The following PNPLA8 variants were observed in gnomAD, a reference collection of about 807,000 sequenced individuals.
The protein encoded by PNPLA8 is patatin like domain 8, phospholipase A2, also known as calcium-independent phospholipase A2-gamma.
Under a neutral mutation model 76.9 loss-of-function variants are expected in PNPLA8, and 39 were observed. The observed-to-expected ratio is 0.51, with a 90% confidence interval of 0.39 to 0.66. PNPLA8 has a LOEUF of 0.66. PNPLA8 is among the 30% of genes least tolerant of loss of function. PNPLA8 has a pLI of 0.00. For synonymous variants in PNPLA8, 301 were observed against 307.9 expected, an observed-to-expected ratio of 0.98 and a Z score of 0.24; for missense variants, 887 against 918.0, an observed-to-expected ratio of 0.97 and a Z score of 0.44.
At chr7:108,518,961 T>C (rs1375995102) in intron 2 of PNPLA8, among the ~76,000 whole-genome samples, 2 of 151,420 alleles carry the variant, frequency 1.3e-5, no homozygotes, top group African/African-American at 2.4e-5. Context: ...CTGAATTATT[T>C]ATAATGAGGT....
chr7:108,503,567 GATCAACGCTCAC>G (rs1252449039), intron 4 of PNPLA8, among the ~76,000 whole-genome samples: 1 of 152,108 alleles, frequency 6.6e-6, no homozygotes, highest in African/African-American at 2.4e-5. Flanking sequence ...CTCTGTTACA[GATCAACGCTCAC>G]ATCAACAACA....
At chr7:108,519,752 C>T in intron 2 of PNPLA8, among the ~76,000 whole-genome samples, 1 of 151,998 alleles carries the variant, frequency 6.6e-6, no homozygotes, top group East Asian at 1.9e-4. Flanking sequence ...GAGACTTTTT[C>T]CCTATCTACA....
intron 10 of PNPLA8, among the ~76,000 whole-genome samples, chr7:108,474,743 T>C (rs1398354136): frequency 3.3e-5 from 5 of 152,230 alleles, no homozygotes; most frequent in Admixed American, 2.6e-4. Context: ...TGAGTTTACA[T>C]GTATAAATCA....
At chr7:108,505,668 C>G (rs1336899078) in intron 4 of PNPLA8, among the ~76,000 whole-genome samples, 3 of 151,764 alleles carry the variant, frequency 2.0e-5, no homozygotes, top group African/African-American at 7.3e-5. Flanking sequence ...GCCAAAAATA[C>G]TTTTATGACT....
At position 108,472,028 on chromosome 7, in the gene PNPLA8, C is replaced by T. The variant is rs1438579561; in HGVS notation, c.*373G>A. ...AATAAAATCAATGATCACATAAATT[C>T]AACATGATTATGAGGACTAAAGTAA... On this transcript the variant is annotated 3_prime_UTR_variant, in exon 11 of 11. Coordinates refer to ENST00000257694, the MANE Select transcript of PNPLA8 (RefSeq NM_001256007.3). 6.5e-6 allele frequency: 1 copy of T among 154,426 alleles called. No individual in the cohort carries two copies. The highest frequency in any genetic ancestry group is 2.4e-5 in the African/African-American group (1 of 41,530). 9.6% of individuals were successfully genotyped at this position (154,426 alleles called of 1,614,324 possible). A position where few individuals can be genotyped will look rare whatever the true frequency, so the allele number is the denominator to read the frequency against.
At chr7:108,522,556 A>G in intron 1 of PNPLA8, among the ~76,000 whole-genome samples, 1 of 152,282 alleles carries the variant, frequency 6.6e-6, no homozygotes, top group East Asian at 1.9e-4. Flanking sequence ...ATTATGTCTC[A>G]CTAAAATGTA....
chr7:108,520,871 T>C (rs1238837066), intron 2 of PNPLA8, among the ~76,000 whole-genome samples: 1 of 152,058 alleles, frequency 6.6e-6, no homozygotes, highest in Non-Finnish European at 1.5e-5. Context: ...TTGCACACCA[T>C]AAATACATAC....
At chr7:108,498,668 T>C (rs1861733587) in intron 5 of PNPLA8, among the ~76,000 whole-genome samples, 1 of 152,192 alleles carries the variant, frequency 6.6e-6, no homozygotes, top group Non-Finnish European at 1.5e-5. Context: ...TATTAATTAA[T>C]GTTGCTGACT....
At chr7:108,508,647 A>C (rs1862639644) in intron 4 of PNPLA8, among the ~76,000 whole-genome samples, 3 of 134,932 alleles carry the variant, frequency 2.2e-5, no homozygotes, top group African/African-American at 8.5e-5. Context: ...GCTACCAATG[A>C]CTTTCTTCAC....
intron 9 of PNPLA8, among the ~76,000 whole-genome samples, chr7:108,486,893 G>A (rs1223720273): frequency 6.6e-6 from 1 of 151,992 alleles, no homozygotes; most frequent in East Asian, 1.9e-4. Context: ...TTAGGGACTA[G>A]AGAAAAACGT....
At chr7:108,491,050 A>C (rs1400319724) in intron 8 of PNPLA8, among the ~76,000 whole-genome samples, 1 of 152,086 alleles carries the variant, frequency 6.6e-6, no homozygotes, top group Admixed American at 6.5e-5. Flanking sequence ...CATGCCTGTA[A>C]TCCCAGCACT....
At chr7:108,493,137 G>A (rs1027560942) in intron 7 of PNPLA8, among the ~76,000 whole-genome samples, 1 of 152,160 alleles carries the variant, frequency 6.6e-6, no homozygotes, top group African/African-American at 2.4e-5. Flanking sequence ...TTTTGGAGTG[G>A]CTTGTTCTGC....
At chr7:108,487,610 A>T in intron 9 of PNPLA8, 149 bp downstream of exon 9, 1 of 469,378 alleles carries the variant, frequency 2.1e-6, no homozygotes, top group Non-Finnish European at 3.8e-6. Flanking sequence ...ACAAATAAAA[A>T]TATCCTAAAT....
At chr7:108,498,431 ATT>A (rs527328380) in intron 5 of PNPLA8, among the ~76,000 whole-genome samples, 33 of 140,052 alleles carry the variant, frequency 2.4e-4, no homozygotes, top group Admixed American at 1.6e-3. Flanking sequence ...TGCCTGGCTA[ATT>A]TTTTTTTTTT....
intron 7 of PNPLA8, among the ~76,000 whole-genome samples, chr7:108,492,444 C>T (rs575878863): frequency 6.6e-6 from 1 of 152,014 alleles, no homozygotes; most frequent in Non-Finnish European, 1.5e-5. Flanking sequence ...CAAGAGAAAT[C>T]CTAGGAGCAT....
chr7:108,516,395 A>G (rs145305622), intron 2 of PNPLA8, among the ~76,000 whole-genome samples: 7 of 152,340 alleles, frequency 4.6e-5, no homozygotes, highest in African/African-American at 1.7e-4. Context: ...GACAACTGAC[A>G]TCTGCATGCA....
intron 4 of PNPLA8, chr7:108,510,957 T>G: frequency 6.4e-7 from 1 of 1,559,684 alleles, no homozygotes. Flanking sequence ...ATCAACAGGC[T>G]TATTAGAAGA....
intron 4 of PNPLA8, chr7:108,510,796 T>A: frequency 1.2e-6 from 2 of 1,601,372 alleles, no homozygotes; most frequent in Non-Finnish European, 1.7e-6. Flanking sequence ...GCATGGAGGA[T>A]CTGATTCATG....
chr7:108,475,568 G>A (rs556347053), intron 10 of PNPLA8, among the ~76,000 whole-genome samples: 5 of 152,072 alleles, frequency 3.3e-5, no homozygotes, highest in Non-Finnish European at 7.4e-5. Context: ...TACATGTATT[G>A]ATTTATTTAG....
Sources: gnomAD v4.1 joint callset for allele counts (sites outside exome capture counted in the v4.1 genomes callset) on GRCh38, gnomAD v4.1.1 for gene constraint, MANE v1.5 for transcripts, NCBI Gene and HGNC (gene_info 2026-07-23, HGNC 2026-07-21) for gene names.